The following TTC34 variants were observed in gnomAD, a reference collection of about 807,000 sequenced individuals.
The protein encoded by TTC34 is tetratricopeptide repeat domain 34.
In TTC34, 44 loss-of-function variants were observed where a neutral mutation model predicts 40.7. The observed-to-expected ratio is 1.08, with a 90% CI of 0.85 to 1.39. The LOEUF (loss-of-function observed/expected upper bound fraction) is 1.39. TTC34 is among the 40% of genes most tolerant of loss of function. TTC34 has a pLI of 0.00. For missense variants in TTC34, 884 were observed against 838.0 expected, an observed-to-expected ratio of 1.05 and a Z score of -0.68; for synonymous variants, 422 against 398.6, an observed-to-expected ratio of 1.06 and a Z score of -0.70.
At chr1:2,692,465 C>T (rs533365850) in intron 6 of TTC34, among the ~76,000 whole-genome samples, 1 of 110,892 alleles carries the variant, frequency 9.0e-6, no homozygotes, top group African/African-American at 3.1e-5. Context: ...CACCCACACC[C>T]CCAGGTGAGC....
In TTC34 at chr1:2,645,514, A is replaced by G. The variant is rs761501123; in HGVS notation, c.2276T>C (p.Val759Ala). Residue 759 changes from valine (V) to alanine (A), a missense_variant, in exon 7 of 9, where the codon GTG (valine) becomes GCG (alanine). Val to Ala is a moderately conservative substitution (Grantham distance 64). Transcript: ENST00000401095. The surrounding 1 kb of genome is among the most constrained non-coding windows in gnomAD (Gnocchi z 4.7). ...CTTCAGAGAGCGGAGCTCAGGGACC[A>G]CAGTCCCGGGGCCGAGCTTCAGAGC... 7.8e-6 allele frequency: 11 copies of G among 1,403,308 alleles called. No individual in the cohort carries two copies. In the African/African-American group the frequency reaches 1.3e-4, roughly 17 times the overall value. 86.9% of individuals were successfully genotyped at this position (1,403,308 alleles called of 1,614,324 possible).
intron 8 of TTC34, among the ~76,000 whole-genome samples, chr1:2,643,692 C>G (rs565275135): frequency 6.6e-4 from 101 of 152,332 alleles, no homozygotes; most frequent in African/African-American, 2.0e-3. Flanking sequence ...ACCGAACTGC[C>G]CCTTACACTG....
chr1:2,697,123 C>A (rs1640903158), intron 6 of TTC34, among the ~76,000 whole-genome samples: 2 of 127,836 alleles, frequency 1.6e-5, no homozygotes, highest in African/African-American at 6.2e-5. Context: ...CACCCTGCAC[C>A]CCCAGGTGCG....
chr1:2,695,669 C>G (rs1326752389), intron 6 of TTC34, among the ~76,000 whole-genome samples: 2 of 143,812 alleles, frequency 1.4e-5, no homozygotes, highest in Non-Finnish European at 3.1e-5. Context: ...TGGAACAGCA[C>G]CCACACCCCC....
chr1:2,648,932 G>T (rs971225587), intron 6 of TTC34, among the ~76,000 whole-genome samples: 1 of 151,122 alleles, frequency 6.6e-6, no homozygotes, highest in African/African-American at 2.4e-5. Flanking sequence ...ACCTAGGGGA[G>T]CATCTTACAG....
intron 6 of TTC34, among the ~76,000 whole-genome samples, chr1:2,750,292 G>A (rs1641272918): frequency 1.5e-5 from 1 of 66,534 alleles, no homozygotes; most frequent in Non-Finnish European, 2.5e-5. Flanking sequence ...ACCCCCAGGT[G>A]AGCATCTGAC....
In TTC34 at chr1:2,786,872, C is replaced by G. The variant is rs568125241; in HGVS notation, c.1854+609G>C. On this transcript the variant is annotated intron_variant, in intron 4 of 8. Coordinates refer to ENST00000401095, the Ensembl canonical transcript of TTC34. ...CAAGAGGATGCAGGTTCAGGGCATC[C>G]GAACCTGGGCAGGGCAAGGAGATCA... Among the ~76,000 whole-genome samples, 34 of 152,286 alleles carry G rather than the reference C, an allele frequency of 2.2e-4. No homozygotes were observed. In the East Asian group the frequency reaches 4.8e-3, roughly 22 times the overall value.
chr1:2,752,802 C>T (rs1241643298), intron 6 of TTC34, among the ~76,000 whole-genome samples: 2 of 131,298 alleles, frequency 1.5e-5, no homozygotes, highest in African/African-American at 3.0e-5. Flanking sequence ...CAGCCTGGAA[C>T]AGCTCCCTGC....
At position 2,761,037 on chromosome 1, in the gene TTC34, C is replaced by G. The variant is rs1249810134; in HGVS notation, c.2226+22572G>C. 4.1e-5 allele frequency among the ~76,000 whole-genome samples: 3 copies of G among 73,084 alleles called. 1 individual carries two copies. In the East Asian group the frequency reaches 1.2e-3, roughly 29 times the overall value. The allele number at this position is 73,084 out of a possible 152,430, so 47.9% of individuals were successfully genotyped here. On this transcript the variant is annotated intron_variant, in intron 6 of 8. Transcript: ENST00000401095. The stretch of plus-strand genomic sequence containing the variant: ...GAGCATATGACCACCTGGAGCAGCA[C>G]CCACAGTCCCAGGTGAGCATCCGAG...
chr1:2,649,795 C>T (rs190352279), intron 6 of TTC34, among the ~76,000 whole-genome samples: 10 of 152,188 alleles, frequency 6.6e-5, no homozygotes, highest in South Asian at 6.2e-4. Flanking sequence ...ATTACAAGCA[C>T]GAGTCATCGC....
At chr1:2,684,887 G>A (rs866315237) in intron 6 of TTC34, among the ~76,000 whole-genome samples, 5 of 122,396 alleles carry the variant, frequency 4.1e-5, no homozygotes, top group Middle Eastern at 5.1e-3. Context: ...CCCCAGGTGA[G>A]CATCTGACAG....
intron 6 of TTC34, among the ~76,000 whole-genome samples, chr1:2,685,188 A>G (rs1640272892): frequency 2.2e-5 from 3 of 139,308 alleles, no homozygotes; most frequent in East Asian, 2.2e-4. Flanking sequence ...TGCCTGGAAC[A>G]GCACCCACAC....
chr1:2,765,761 G>A (rs1641770719), intron 6 of TTC34, among the ~76,000 whole-genome samples: 4 of 43,660 alleles, frequency 9.2e-5, no homozygotes, highest in African/African-American at 2.6e-4. Flanking sequence ...CACACCCCCA[G>A]GTGAGCATGT....
exon 9 of TTC34, chr1:2,640,411 A>C (rs1194979995): frequency 6.6e-6 from 1 of 152,050 alleles, no homozygotes; most frequent in Non-Finnish European, 1.5e-5. Context: ...CGCTCTGTGG[A>C]AGCACTGATA....
At chr1:2,687,867 G>A (rs1426219831) in intron 6 of TTC34, among the ~76,000 whole-genome samples, 64 of 150,136 alleles carry the variant, frequency 4.3e-4, no homozygotes, top group African/African-American at 1.5e-3. Context: ...GCATCTGACA[G>A]CCTGGAACAG....
chr1:2,775,237 G>A (rs1176445884), intron 6 of TTC34: 3 of 149,630 alleles, frequency 2.0e-5, no homozygotes. Context: ...ACCCCCAGGC[G>A]AGCATCTGAC....
rs61765678 is a variant in TTC34, at chr1:2,687,312, A to C, written c.2227-41749T>G. 4.4e-5 allele frequency among the ~76,000 whole-genome samples: 4 copies of C among 90,322 alleles called. No homozygotes were observed. The Admixed American group carries it at 4.7e-4, about 11-fold the overall frequency. The allele number at this position is 90,322 out of a possible 152,430, so 59.3% of individuals were successfully genotyped here. The stretch of plus-strand genomic sequence containing the variant: ...ACAGGTGAGCATCTGACATCGTGGA[A>C]CAGCACCCCAAACCCACAGGTGAGC... On this transcript the variant is annotated intron_variant, in intron 6 of 8. Coordinates refer to ENST00000401095, the Ensembl canonical transcript of TTC34.
At chr1:2,755,553 G>C (rs1641475657) in intron 6 of TTC34, among the ~76,000 whole-genome samples, 1 of 109,166 alleles carries the variant, frequency 9.2e-6, no homozygotes, top group Admixed American at 9.1e-5. Flanking sequence ...CCACAGGCGA[G>C]CATCTGAAAC....
chr1:2,656,345 A>C (rs1570763522), intron 6 of TTC34, among the ~76,000 whole-genome samples: 1 of 147,788 alleles, frequency 6.8e-6, no homozygotes, highest in Non-Finnish European at 1.5e-5. Flanking sequence ...CCCCCAGGTG[A>C]GCATCTGACA....
Sources: allele counts gnomAD v4.1 joint callset (sites outside exome capture counted in the v4.1 genomes callset), GRCh38; gene constraint gnomAD v4.1.1; non-coding constraint Gnocchi (gnomAD v3.1); transcripts MANE v1.5; gene names NCBI Gene and HGNC (gene_info 2026-07-23, HGNC 2026-07-21).